Variants in TTC6 observed in about 807,000 individuals in gnomAD.
TTC6 encodes the protein tetratricopeptide repeat domain 6.
Under a neutral mutation model 210.4 loss-of-function variants are expected in TTC6, and 172 were observed. The ratio of observed to expected loss-of-function variants is 0.82; its 90% CI spans 0.72 to 0.93. The LOEUF (loss-of-function observed/expected upper bound fraction) is 0.93, where lower values mean the gene tolerates loss of function less well. TTC6 is among the 40% of genes least tolerant of loss of function. The probability of loss-of-function intolerance (pLI) is 0.00; values close to 1 mark genes in which losing one functional copy is unlikely to be tolerated. For missense variants in TTC6, 2,414 were observed against 2,318.1 expected (o/e 1.04, Z -0.85); for synonymous variants, 804 against 819.6 (o/e 0.98, Z 0.32).
exon 20 of TTC6, chr14:37,796,807 A>T: frequency 6.2e-7 from 1 of 1,606,542 alleles, no homozygotes; most frequent in Non-Finnish European, 8.5e-7. Context: ...GTTGAGTCCT[A>T]TGCAGCAAGC....
chr14:37,706,131 G>C (rs374258845), intron 5 of TTC6, among the ~76,000 whole-genome samples: 1 of 152,156 alleles, frequency 6.6e-6, no homozygotes, highest in Admixed American at 6.6e-5. Context: ...GGGCACGTGT[G>C]AGTGCTTGGG....
At chr14:37,705,150 A>G (rs1246483518) in intron 5 of TTC6, among the ~76,000 whole-genome samples, 1 of 152,070 alleles carries the variant, frequency 6.6e-6, no homozygotes, top group Non-Finnish European at 1.5e-5. Flanking sequence ...CTGCGCAGTG[A>G]GCAATGCCAG....
chr14:37,602,356 A>G (rs1465995125), intron 1 of TTC6, among the ~76,000 whole-genome samples: 1 of 152,230 alleles, frequency 6.6e-6, no homozygotes, highest in Non-Finnish European at 1.5e-5. Flanking sequence ...CACACTTGCC[A>G]TGTGTAATGT....
chr14:37,707,343 G>A (rs973392573), intron 5 of TTC6, among the ~76,000 whole-genome samples: 22 of 151,966 alleles, frequency 1.4e-4, no homozygotes, highest in African/African-American at 5.3e-4. Context: ...GTTGAGTAAT[G>A]TTTCTATTCT....
At chr14:37,773,090 A>G (rs1487238075) in intron 14 of TTC6, among the ~76,000 whole-genome samples, 9 of 151,988 alleles carry the variant, frequency 5.9e-5, no homozygotes. Context: ...CCACTTTTTA[A>G]TGCTATTGTG....
rs149774486 is a variant in TTC6 at position 37,788,608 on chromosome 14, T to C, written c.3436+971T>C. Among the ~76,000 whole-genome samples the C allele has an allele frequency of 3.0e-3, 451 of 152,308 alleles. 3 individuals carry two copies. Among genetic ancestry groups the C allele is most frequent in the African/African-American group, 0.01 (432 of 41,572 alleles). On this transcript the variant is annotated intron_variant, in intron 15 of 30. Transcript: ENST00000553443. ...AAGGGGACTGAGGATTTCTGTCTAA[T>C]TCTTTCGTCATCTTTGAGTCCAATT... is the stretch of plus-strand genomic sequence containing the variant.
exon 1 of TTC6, chr14:37,622,974 C>A: frequency 6.7e-7 from 1 of 1,493,982 alleles, no homozygotes; most frequent in South Asian, 1.3e-5. Context: ...ACGGAGCGTC[C>A]TTGGCCAGAA....
chr14:37,646,824 A>G (rs1156259157), intron 1 of TTC6, among the ~76,000 whole-genome samples: 1 of 152,208 alleles, frequency 6.6e-6, no homozygotes, highest in Non-Finnish European at 1.5e-5. Context: ...CTATTCGCAT[A>G]GTTGCTACGA....
chr14:37,748,073 C>T (rs2095941272), intron 10 of TTC6, among the ~76,000 whole-genome samples: 5 of 152,124 alleles, frequency 3.3e-5, no homozygotes, highest in Admixed American at 3.3e-4. Context: ...GCCTGGCTGC[C>T]ATGCAGAGAA....
intron 23 of TTC6, among the ~76,000 whole-genome samples, chr14:37,808,407 G>A (rs1200229160): frequency 1.3e-5 from 2 of 152,042 alleles, no homozygotes; most frequent in African/African-American, 4.8e-5. Context: ...GCATTAATAT[G>A]GGTGGCTTTA....
intron 10 of TTC6, among the ~76,000 whole-genome samples, chr14:37,747,689 A>G (rs1245169660): frequency 6.6e-6 from 1 of 152,190 alleles, no homozygotes; most frequent in Non-Finnish European, 1.5e-5. Flanking sequence ...TCCTAAGGCT[A>G]TAGTCTGTGC....
At chr14:37,719,766 G>T (rs2095858393) in intron 6 of TTC6, among the ~76,000 whole-genome samples, 1 of 152,050 alleles carries the variant, frequency 6.6e-6, no homozygotes, top group South Asian at 2.1e-4. Flanking sequence ...AAACATAGGA[G>T]ATCTTTGGGA....
At chr14:37,678,511 C>G (rs1255501920) in intron 1 of TTC6, among the ~76,000 whole-genome samples, 3 of 152,184 alleles carry the variant, frequency 2.0e-5, no homozygotes, top group African/African-American at 7.2e-5. Context: ...GCAGTGCCCT[C>G]ATCTCCACAC....
In TTC6 at chr14:37,767,560, A is replaced by G. The variant is rs375835228; in HGVS notation, c.3266+14325A>G. Among the ~76,000 whole-genome samples the G allele has an allele frequency of 2.6e-3, 391 of 152,110 alleles. 1 individual carries two copies. The highest frequency in any genetic ancestry group is 8.9e-3 in the African/African-American group (367 of 41,426). The stretch of plus-strand genomic sequence containing the variant: ...TTTCTCTGATGGCCGGTGATGATGA[A>G]CATTTTTTCATGTGTTTTTTGGCTA... On this transcript the variant is annotated intron_variant, in intron 14 of 30. Coordinates refer to ENST00000553443, the Ensembl canonical transcript of TTC6.
chr14:37,798,687 A>G (rs1252457127), intron 20 of TTC6, among the ~76,000 whole-genome samples: 2 of 152,090 alleles, frequency 1.3e-5, no homozygotes, highest in African/African-American at 2.4e-5. Context: ...CCAAATTTTA[A>G]AGGAAGTTTA....
At chr14:37,666,545 G>A (rs960173737) in intron 1 of TTC6, among the ~76,000 whole-genome samples, 2 of 149,958 alleles carry the variant, frequency 1.3e-5, no homozygotes, top group African/African-American at 4.9e-5. Context: ...GATGCAGGTA[G>A]AGTGCCTGGT....
chr14:37,778,063 G>T (rs1344302012), intron 14 of TTC6, among the ~76,000 whole-genome samples: 1 of 152,152 alleles, frequency 6.6e-6, no homozygotes, highest in African/African-American at 2.4e-5. Flanking sequence ...TGCTTCATTG[G>T]GTGGTGGCAG....
At chr14:37,793,274 T>C (rs564430253) in intron 17 of TTC6, among the ~76,000 whole-genome samples, 7 of 152,330 alleles carry the variant, frequency 4.6e-5, no homozygotes, top group African/African-American at 1.7e-4. Context: ...GGAGCTAGCT[T>C]CTAATTGCCT....
intron 3 of TTC6, among the ~76,000 whole-genome samples, chr14:37,694,183 G>T (rs1299703242): frequency 6.6e-6 from 1 of 151,904 alleles, no homozygotes. Flanking sequence ...CCACAGAATG[G>T]GAAAAATATT....
Sources: allele counts gnomAD v4.1 joint callset (sites outside exome capture counted in the v4.1 genomes callset), GRCh38; gene constraint gnomAD v4.1.1; transcripts MANE v1.5; gene names NCBI Gene and HGNC (gene_info 2026-07-23, HGNC 2026-07-21).